PHF8: variants seen among roughly 807,000 people sequenced by gnomAD.
PHF8 encodes the protein PHD finger protein 8.
Under a neutral mutation model 74.4 loss-of-function variants are expected in PHF8, and 9 were observed. The observed-to-expected ratio is 0.12, with a 90% confidence interval of 0.07 to 0.21. The LOEUF (loss-of-function observed/expected upper bound fraction) is 0.21, where lower values mean the gene tolerates loss of function less well. Ranked by LOEUF, PHF8 falls within the 10% of genes least tolerant of loss-of-function variation. The probability of loss-of-function intolerance (pLI) is 1.00; values close to 1 mark genes in which losing one functional copy is unlikely to be tolerated. For missense variants in PHF8, 478 were observed against 816.6 expected, an observed-to-expected ratio of 0.59 and a Z score of 5.05; for synonymous variants, 311 against 316.6, an observed-to-expected ratio of 0.98 and a Z score of 0.19.
intron 20 of PHF8, 21 bp from the exon 21 acceptor site, chrX:53,940,537 G>A: frequency 1.9e-6 from 2 of 1,079,776 alleles, no homozygotes; most frequent in Non-Finnish European, 2.6e-6. Context: ...AGCCAAGTAG[G>A]AGGAGAGATT....
intron 2 of PHF8, among the ~76,000 whole-genome samples, chrX:54,027,351 C>T (rs1468893176): frequency 9.0e-6 from 1 of 111,118 alleles, no homozygotes; most frequent in African/African-American, 3.3e-5. Context: ...ATAATGACTC[C>T]TCTTTTGAAT....
intron 20 of PHF8, 37 bp from the exon 21 acceptor site, chrX:53,940,553 G>A: frequency 9.9e-7 from 1 of 1,005,798 alleles, no homozygotes; most frequent in Non-Finnish European, 1.4e-6. Flanking sequence ...AGATTAAGGA[G>A]TGAAGAAGAC....
Position 54,037,010 on chromosome X carries a change from A to T in PHF8, c.98+5621T>A, listed in dbSNP as rs782233090. The stretch of plus-strand genomic sequence containing the variant: ...CTGTTTCAGAAAAAATAAAAAAAAA[A>T]AAAAAAAGAAAAGAAAGTCTCAAAT... On this transcript the variant is annotated intron_variant, in intron 2 of 21. Transcript: ENST00000338154. 1.5e-4 allele frequency among the ~76,000 whole-genome samples: 16 copies of T among 108,734 alleles called. No homozygotes were observed. The South Asian group carries it at 2.3e-3, about 16-fold the overall frequency. 94.4% of individuals were successfully genotyped at this position (108,734 alleles called of 115,157 possible). A position where few individuals can be genotyped will look rare whatever the true frequency, so the allele number is the denominator to read the frequency against.
At chrX:53,949,784 C>A (rs1489678266) in intron 19 of PHF8, among the ~76,000 whole-genome samples, 1 of 91,742 alleles carries the variant, frequency 1.1e-5, no homozygotes, top group Admixed American at 1.2e-4. Flanking sequence ...TGCACTCCAG[C>A]CTGGGTGACA....
intron 19 of PHF8, among the ~76,000 whole-genome samples, chrX:53,953,255 C>G: frequency 1.0e-5 from 1 of 96,730 alleles, no homozygotes; most frequent in Non-Finnish European, 2.0e-5. Flanking sequence ...GCCTAGGCAA[C>G]AGAGTAAGAC....
chrX:54,008,948 G>A (rs782727271), intron 8 of PHF8, among the ~76,000 whole-genome samples: 22 of 111,284 alleles, frequency 2.0e-4, no homozygotes, highest in Non-Finnish European at 3.6e-4. Context: ...AGGCTGAGAC[G>A]GGTGGATCAC....
chrX:53,992,701 T>C (rs1557101700), intron 14 of PHF8, 35 bp downstream of exon 14: 7 of 839,386 alleles, frequency 8.3e-6, no homozygotes, highest in Non-Finnish European at 1.2e-5. Context: ...CCACTGACAG[T>C]CCCAGTACCT....
chrX:53,980,395 A>G (rs1415414896), intron 18 of PHF8, among the ~76,000 whole-genome samples: 1 of 111,342 alleles, frequency 9.0e-6, no homozygotes, highest in African/African-American at 3.3e-5. Flanking sequence ...GCGTATATGC[A>G]CAGAAGTATG....
intron 12 of PHF8, among the ~76,000 whole-genome samples, chrX:53,994,413 G>C (rs1603322062): frequency 8.9e-6 from 1 of 112,593 alleles, no homozygotes; most frequent in Non-Finnish European, 1.9e-5. Context: ...CGAGAATCGG[G>C]GGAAGGTAGA....
At chrX:53,984,823 C>T in intron 18 of PHF8, 91 bp downstream of exon 18, 1 of 719,668 alleles carries the variant, frequency 1.4e-6, no homozygotes. Context: ...GGACTTTGTT[C>T]ACTACAAGCT....
chrX:54,003,616 C>A (rs1374143995), intron 8 of PHF8, among the ~76,000 whole-genome samples: 2 of 112,044 alleles, frequency 1.8e-5, no homozygotes, highest in African/African-American at 6.5e-5. Flanking sequence ...GAGATCGCAC[C>A]ATTGCACTCC....
rs782325885 is a variant in PHF8 at position 54,024,075 on chromosome X, T to C, written c.99-1232A>G. On this transcript the variant is annotated intron_variant, in intron 2 of 21. Coordinates refer to ENST00000338154, the MANE Select transcript of PHF8 (RefSeq NM_015107.3). ...CAGCAGCTTATCAATAAACTAGGGATATCACCATCAACTTTGTAGGGTTTT... is the reference window on the plus strand; with the variant it reads ...CAGCAGCTTATCAATAAACTAGGGACATCACCATCAACTTTGTAGGGTTTT... Among the ~76,000 whole-genome samples the C allele has an allele frequency of 7.2e-5, 8 of 111,368 alleles. 1 individual carries two copies. The Admixed American group carries it at 7.7e-4, about 11-fold the overall frequency.
At chrX:54,002,898 G>A (rs1318338375) in intron 8 of PHF8, among the ~76,000 whole-genome samples, 6 of 111,738 alleles carry the variant, frequency 5.4e-5, no homozygotes, top group Non-Finnish European at 1.1e-4. Flanking sequence ...CTATATTCAT[G>A]AGAATATTAT....
intron 15 of PHF8, 135 bp from the exon 16 acceptor site, chrX:53,987,298 G>T: frequency 4.2e-6 from 2 of 480,395 alleles, no homozygotes; most frequent in Non-Finnish European, 7.4e-6. Context: ...GGGATCAGGT[G>T]ATAAATAAAT....
chrX:53,979,391 TAAATA>T (rs1206855349), intron 18 of PHF8, among the ~76,000 whole-genome samples: 186 of 110,520 alleles, frequency 1.7e-3, no homozygotes, highest in African/African-American at 6.0e-3. Context: ...CAAAAATAAA[TAAATA>T]AAATAAAAAT....
intron 18 of PHF8, among the ~76,000 whole-genome samples, chrX:53,973,110 G>A (rs782563315): frequency 4.5e-5 from 5 of 111,663 alleles, no homozygotes; most frequent in African/African-American, 1.6e-4. Context: ...GGACCTCTTC[G>A]AGGAGAACTA....
intron 19 of PHF8, among the ~76,000 whole-genome samples, chrX:53,953,537 A>G (rs2064962903): frequency 9.4e-6 from 1 of 106,730 alleles, no homozygotes; most frequent in Admixed American, 1.0e-4. Context: ...GCTACTCAGG[A>G]GGCTGAGGCA....
chrX:54,033,573 C>T (rs2066398161), intron 2 of PHF8, among the ~76,000 whole-genome samples: 1 of 111,375 alleles, frequency 9.0e-6, no homozygotes, highest in Admixed American at 9.5e-5. Flanking sequence ...GATAGCTGGG[C>T]GTGGTGGCAT....
intron 2 of PHF8, among the ~76,000 whole-genome samples, chrX:54,036,026 G>T (rs1168968145): frequency 9.4e-6 from 1 of 106,285 alleles, no homozygotes; most frequent in African/African-American, 3.5e-5. Context: ...CAGAAGAATC[G>T]CTTGAACCTG....
Sources: gnomAD v4.1 joint callset for allele counts (sites outside exome capture counted in the v4.1 genomes callset) on GRCh38, gnomAD v4.1.1 for gene constraint, MANE v1.5 for transcripts, NCBI Gene and HGNC (gene_info 2026-07-23, HGNC 2026-07-21) for gene names.